MS4A4A: variants seen among roughly 807,000 people sequenced by gnomAD.
MS4A4A encodes membrane spanning 4-domains A4A.
Under a neutral mutation model 28.0 loss-of-function variants are expected in MS4A4A, and 26 were observed. The observed-to-expected ratio is 0.93, with a 90% CI of 0.68 to 1.29. MS4A4A has a LOEUF of 1.29. MS4A4A is among the 50% of genes most tolerant of loss of function. The pLI is 0.00. For synonymous variants in MS4A4A, 86 were observed against 100.8 expected (o/e 0.85, Z 0.88); for missense variants, 290 against 293.1 (o/e 0.99, Z 0.08).
rs137962181 is a variant in MS4A4A at position 60,290,694 on chromosome 11, GTTAAA to G, written c.42-1526_42-1522del. Reference sequence around the variant, plus strand: ...AATTTTAAGTATATACATTACTAAAGTTAAATTAATGTTCTAAATAATTAATCTTT... The same window carrying G: ...AATTTTAAGTATATACATTACTAAAGTTAATGTTCTAAATAATTAATCTTT... On this transcript the variant is annotated intron_variant, in intron 1 of 6. Coordinates refer to ENST00000337908, the MANE Select transcript of MS4A4A (RefSeq NM_148975.3). Among the ~76,000 whole-genome samples the G allele has an allele frequency of 8.7e-3, 1,318 of 151,672 alleles. 25 individuals are homozygous for G. The highest frequency in any genetic ancestry group is 0.03 in the African/African-American group (1,244 of 41,392).
intron 1 of MS4A4A, among the ~76,000 whole-genome samples, chr11:60,284,504 T>C (rs1184055562): frequency 1.3e-5 from 2 of 152,174 alleles, no homozygotes; most frequent in African/African-American, 4.8e-5. Flanking sequence ...GGTGAGAGCA[T>C]GTTTTTCATG....
Position 60,297,345 on chromosome 11 carries a change from A to G in MS4A4A, c.330+20A>G. 1 of 1,611,348 alleles carries G rather than the reference A, an allele frequency of 6.2e-7. No homozygotes were observed. The highest frequency in any genetic ancestry group is 8.5e-7 in the Non-Finnish European group (1 of 1,178,398). On this transcript the variant is annotated intron_variant, in intron 3 of 6. Coordinates refer to ENST00000337908, the MANE Select transcript of MS4A4A (RefSeq NM_148975.3). ...GTAATGGTGAGTAGAGTATCTTTTGATATAATTGAAGATAACATAAAGCAG... is the reference window on the plus strand; with the variant it reads ...GTAATGGTGAGTAGAGTATCTTTTGGTATAATTGAAGATAACATAAAGCAG...
At chr11:60,303,579 G>A (rs1355177099) in intron 5 of MS4A4A, among the ~76,000 whole-genome samples, 2 of 152,032 alleles carry the variant, frequency 1.3e-5, no homozygotes, top group South Asian at 2.1e-4. Context: ...ATGATGGCAC[G>A]TGCCTGTGAT....
intron 6 of MS4A4A, 34 bp from the exon 7 acceptor site, chr11:60,308,073 G>A: frequency 6.3e-7 from 1 of 1,598,064 alleles, no homozygotes; most frequent in Non-Finnish European, 8.6e-7. Context: ...GGTGATTTGG[G>A]TGACTCACCT....
chr11:60,297,225 G>A lies in MS4A4A; in HGVS notation c.230G>A (p.Ser77Asn). 2 of 1,613,496 alleles carry A rather than the reference G, an allele frequency of 1.2e-6. No homozygotes were observed. Among genetic ancestry groups the A allele is most frequent in the South Asian group, 1.1e-5 (1 of 91,074 alleles). Residue 77 changes from serine to asparagine, a missense_variant, in exon 3 of 7, where the codon AGC (serine) becomes AAC (asparagine). Physicochemically the swap from Ser to Asn is conservative, Grantham distance 46 (BLOSUM62 1). Transcript: ENST00000337908. ...GTGCAGATTCTGACTGCCCTGATGA[G>A]CCTTAGCATGGGAATAACAATGATG... ...GVVQILTALM[S>N]LSMGITMMCM...
intron 2 of MS4A4A, among the ~76,000 whole-genome samples, chr11:60,296,257 G>T (rs2084904530): frequency 6.6e-6 from 1 of 152,020 alleles, no homozygotes; most frequent in Admixed American, 6.5e-5. Flanking sequence ...TGTGGGCGTA[G>T]AATTGTTCAT....
In MS4A4A at chr11:60,297,190, T is replaced by A; in HGVS notation, c.202-7T>A. On this transcript the variant is annotated splice_polypyrimidine_tract_variant and splice_region_variant and intron_variant, in intron 2 of 6. Transcript: ENST00000337908. ...CAATCAGTTTTTGCTTTCTTCACCA[T>A]TTTTAGGTTGTGCAGATTCTGACTG... is the stretch of plus-strand genomic sequence containing the variant. 6.2e-7 allele frequency: 1 copy of A among 1,612,304 alleles called. No homozygotes were observed. Among genetic ancestry groups the A allele is most frequent in the Non-Finnish European group, 8.5e-7 (1 of 1,179,028 alleles).
intron 1 of MS4A4A, among the ~76,000 whole-genome samples, chr11:60,288,026 C>T (rs989776633): frequency 5.9e-5 from 9 of 152,300 alleles, no homozygotes; most frequent in Admixed American, 3.3e-4. Flanking sequence ...GTTAGGTTGG[C>T]GTTGCATGCT....
In MS4A4A at chr11:60,306,209, T is replaced by A. The variant is rs202068015; in HGVS notation, c.648+8T>A. On this transcript the variant is annotated splice_region_variant and intron_variant, in intron 6 of 6. Transcript: ENST00000337908. ...TGTTGTACCCCTGGTGGGGTGAGTA[T>A]TGGCCTTCATTTGAAGATGACTGTA... 1.1e-4 allele frequency: 183 copies of A among 1,594,746 alleles called. No homozygotes were observed. The highest frequency in any genetic ancestry group is 3.5e-4 in the South Asian group (32 of 90,676).
At chr11:60,294,059 C>T (rs1593480) in intron 2 of MS4A4A, among the ~76,000 whole-genome samples, 28,236 of 152,200 alleles carry the variant, frequency 0.19, 3,103 homozygotes, top group African/African-American at 0.3. Flanking sequence ...GGCCTTGTCA[C>T]TTTGAAGATT....
At chr11:60,297,142 G>A (rs540569132) in intron 2 of MS4A4A, 55 bp from the exon 3 acceptor site, 108 of 1,605,118 alleles carry the variant, frequency 6.7e-5, no homozygotes, top group African/African-American at 6.5e-4. Flanking sequence ...AGGGGGTGGC[G>A]GAAGCACCAT....
intron 1 of MS4A4A, among the ~76,000 whole-genome samples, chr11:60,285,565 G>A (rs895792110): frequency 6.6e-6 from 1 of 152,140 alleles, no homozygotes; most frequent in African/African-American, 2.4e-5. Context: ...CAGCCAGTCT[G>A]AGAAATAAAG....
In MS4A4A at chr11:60,298,888, T is replaced by A. The variant is rs561730459; in HGVS notation, c.330+1563T>A. Reference sequence around the variant, plus strand: ...TTCCATTATTCTTTCAACCTTTTTTTCCAAACCTCTTCTATGAAGTGCCTC... The same window carrying A: ...TTCCATTATTCTTTCAACCTTTTTTACCAAACCTCTTCTATGAAGTGCCTC... On this transcript the variant is annotated intron_variant, in intron 3 of 6. Coordinates refer to ENST00000337908, the MANE Select transcript of MS4A4A (RefSeq NM_148975.3). Among the ~76,000 whole-genome samples, 74 of 152,322 alleles carry A rather than the reference T, an allele frequency of 4.9e-4. 1 individual carries two copies. The South Asian group carries it at 0.015, about 31-fold the overall frequency.
At position 60,308,153 on chromosome 11, in the gene MS4A4A, C is replaced by G; in HGVS notation, c.695C>G (p.Ser232Cys). 6.2e-7 allele frequency: 1 copy of G among 1,614,066 alleles called. No homozygotes were observed. Among genetic ancestry groups the G allele is most frequent in the Non-Finnish European group, 8.5e-7 (1 of 1,179,954 alleles). The change falls in exon 7 of 7, where the codon TCT (serine) becomes TGT (cysteine). Residue 232 changes from serine (S) to cysteine (C), a missense_variant. Physicochemically the swap from Ser to Cys is moderately radical, Grantham distance 112. Coordinates refer to ENST00000337908, the MANE Select transcript of MS4A4A (RefSeq NM_148975.3). Reference sequence around the variant, plus strand: ...CATTCTCACATGGCAGAAACAGCATCTCCCACACCACTTAATGAGGTTTGA... The same window carrying G: ...CATTCTCACATGGCAGAAACAGCATGTCCCACACCACTTAATGAGGTTTGA... Reference protein sequence around the residue: ...PSHSHMAETASPTPLNEV With the variant: ...PSHSHMAETACPTPLNEV
intron 5 of MS4A4A, among the ~76,000 whole-genome samples, chr11:60,305,374 T>C (rs1590762882): frequency 6.6e-6 from 1 of 152,244 alleles, no homozygotes; most frequent in East Asian, 1.9e-4. Flanking sequence ...AATCAGAGTG[T>C]TGGCAAGGCC....
intron 2 of MS4A4A, among the ~76,000 whole-genome samples, chr11:60,295,123 A>G (rs551415280): frequency 1.8e-4 from 27 of 152,050 alleles, no homozygotes; most frequent in Non-Finnish European, 3.4e-4. Context: ...ATCCATGGAC[A>G]TGGAATATCT....
intron 6 of MS4A4A, among the ~76,000 whole-genome samples, chr11:60,306,480 G>A (rs2085003300): frequency 6.6e-6 from 1 of 152,178 alleles, no homozygotes; most frequent in South Asian, 2.1e-4. Context: ...TCATGACAAT[G>A]TATTTTATCT....
Position 60,308,339 on chromosome 11 carries a change from A to T in MS4A4A, c.*161A>T, listed in dbSNP as rs889416164. ...TTATGAACTGTGTGTGTATAGAGAG[A>T]TAATAAATTCAAAATTATGTTCTCA... On this transcript the variant is annotated 3_prime_UTR_variant, in exon 7 of 7. Transcript: ENST00000337908. 1.8e-6 allele frequency: 1 copy of T among 564,234 alleles called. No homozygotes were observed. Among genetic ancestry groups the T allele is most frequent in the Non-Finnish European group, 3.0e-6 (1 of 338,166 alleles). The allele number at this position is 564,234 out of a possible 1,614,324, so 35.0% of individuals were successfully genotyped here.
intron 3 of MS4A4A, among the ~76,000 whole-genome samples, chr11:60,298,149 A>G (rs2084922302): frequency 6.6e-6 from 1 of 152,028 alleles, no homozygotes; most frequent in Non-Finnish European, 1.5e-5. Flanking sequence ...TTTTAATGCA[A>G]ATTGAGAGTA....
Sources: allele counts gnomAD v4.1 joint callset (sites outside exome capture counted in the v4.1 genomes callset), GRCh38; gene constraint gnomAD v4.1.1; transcripts MANE v1.5; gene names NCBI Gene and HGNC (gene_info 2026-07-23, HGNC 2026-07-21).